The following PHLPP1 variants were observed in gnomAD, a reference collection of about 807,000 sequenced individuals.
PHLPP1 encodes PH domain leucine-rich repeat-containing protein phosphatase 1.
A neutral mutation model predicts 117.2 loss-of-function variants in PHLPP1; 42 were observed. The observed-to-expected ratio is 0.36, with a 90% CI of 0.28 to 0.46. The LOEUF is 0.46. Ranked by LOEUF, PHLPP1 falls within the 20% of genes least tolerant of loss-of-function variation. PHLPP1 has a pLI of 1.00. For synonymous variants in PHLPP1, 1,042 were observed against 970.7 expected (o/e 1.07, Z -1.37); for missense variants, 2,084 against 2,241.9 (o/e 0.93, Z 1.42).
chr18:62,869,805 G>C (rs1252592220), intron 4 of PHLPP1, among the ~76,000 whole-genome samples: 1 of 152,190 alleles, frequency 6.6e-6, no homozygotes, highest in Non-Finnish European at 1.5e-5. Flanking sequence ...GATAGGCCTA[G>C]GGGACTTCCT....
rs1047961353 is a variant in PHLPP1, at chr18:62,960,055, C to T, written c.3455+1296C>T. Among the ~76,000 whole-genome samples the T allele has an allele frequency of 7.4e-4, 112 of 152,268 alleles. 1 individual carries two copies. The highest frequency in any genetic ancestry group is 2.6e-3 in the African/African-American group (109 of 41,542). ...CAAGAAAACATGGATTATCAAAATA[C>T]ATCATCTTTAAACAGATAGCTTTTG... On this transcript the variant is annotated intron_variant, in intron 13 of 16. Transcript: ENST00000262719.
At chr18:62,842,181 T>C (rs1414705622) in intron 3 of PHLPP1, among the ~76,000 whole-genome samples, 1 of 152,180 alleles carries the variant, frequency 6.6e-6, no homozygotes, top group Admixed American at 6.5e-5. Flanking sequence ...TAAAGTATTA[T>C]CTATTTGTAA....
intron 14 of PHLPP1, among the ~76,000 whole-genome samples, chr18:62,970,738 C>G (rs1911027446): frequency 6.6e-6 from 1 of 152,066 alleles, no homozygotes; most frequent in Non-Finnish European, 1.5e-5. Context: ...GCACTCCAGC[C>G]TGTGTGACAG....
chr18:62,938,106 T>A, intron 10 of PHLPP1, among the ~76,000 whole-genome samples: 1 of 152,220 alleles, frequency 6.6e-6, no homozygotes, highest in East Asian at 1.9e-4. Flanking sequence ...ATGTTACTGC[T>A]TTTTCTCTAA....
At chr18:62,947,926 T>C (rs998065971) in intron 12 of PHLPP1, among the ~76,000 whole-genome samples, 2 of 152,244 alleles carry the variant, frequency 1.3e-5, no homozygotes, top group Middle Eastern at 6.8e-3. Context: ...TCCAGGAAGC[T>C]GAGGCAGGAG....
At chr18:62,847,385 CAT>C (rs1364756105) in intron 3 of PHLPP1, among the ~76,000 whole-genome samples, 1 of 152,138 alleles carries the variant, frequency 6.6e-6, no homozygotes, top group African/African-American at 2.4e-5. Context: ...ACGTGTTCCT[CAT>C]GTGTTCTTGG....
At chr18:62,763,712 A>C (rs765450273) in intron 1 of PHLPP1, among the ~76,000 whole-genome samples, 1 of 151,956 alleles carries the variant, frequency 6.6e-6, no homozygotes, top group Admixed American at 6.5e-5. Flanking sequence ...GCTATTCTCT[A>C]CTGTATTTCT....
At chr18:62,780,683 T>C (rs1208652911) in intron 1 of PHLPP1, among the ~76,000 whole-genome samples, 2 of 152,160 alleles carry the variant, frequency 1.3e-5, no homozygotes, top group African/African-American at 4.8e-5. Context: ...AGAACTTGGG[T>C]TTGTAAGAAG....
chr18:62,749,627 T>G (rs1302294252), intron 1 of PHLPP1, among the ~76,000 whole-genome samples: 1 of 152,220 alleles, frequency 6.6e-6, no homozygotes, highest in East Asian at 1.9e-4. Context: ...CCTATTGGCA[T>G]GCAGATGGCC....
intron 14 of PHLPP1, among the ~76,000 whole-genome samples, chr18:62,964,103 G>A (rs1910841693): frequency 6.6e-6 from 1 of 152,096 alleles, no homozygotes; most frequent in Middle Eastern, 3.4e-3. Context: ...TATATGAAGA[G>A]GTGCTAATAA....
intron 2 of PHLPP1, chr18:62,838,067 T>A (rs75885123): frequency 4.1e-5 from 6 of 147,944 alleles, no homozygotes; most frequent in Admixed American, 6.7e-5. Context: ...GAAAAAAATA[T>A]ATATATATAT....
intron 1 of PHLPP1, among the ~76,000 whole-genome samples, chr18:62,792,214 T>A (rs1233650019): frequency 6.6e-6 from 1 of 152,142 alleles, no homozygotes; most frequent in East Asian, 1.9e-4. Context: ...TTGGAGAGTG[T>A]CCCATCTTTC....
At chr18:62,935,480 A>G (rs1310271489) in intron 10 of PHLPP1, among the ~76,000 whole-genome samples, 1 of 152,246 alleles carries the variant, frequency 6.6e-6, no homozygotes, top group Non-Finnish European at 1.5e-5. Context: ...ATCATCATGT[A>G]AATACCAAAA....
At chr18:62,867,417 G>A (rs1323694135) in intron 4 of PHLPP1, among the ~76,000 whole-genome samples, 2 of 152,030 alleles carry the variant, frequency 1.3e-5, no homozygotes, top group South Asian at 2.1e-4. Flanking sequence ...TTAATTTTTG[G>A]TTAAGTCAGT....
chr18:62,898,519 C>G (rs1484639296), intron 6 of PHLPP1, among the ~76,000 whole-genome samples: 3 of 152,132 alleles, frequency 2.0e-5, no homozygotes, highest in Non-Finnish European at 4.4e-5. Context: ...CTGCGGTTCT[C>G]TAGTTCAAGG....
chr18:62,756,046 T>C (rs1406512731), intron 1 of PHLPP1, among the ~76,000 whole-genome samples: 1 of 148,378 alleles, frequency 6.7e-6, no homozygotes, highest in Non-Finnish European at 1.5e-5. Context: ...TTTCTTTGAC[T>C]CATTCATTTT....
rs146047325 is a variant in PHLPP1 at position 62,889,990 on chromosome 18, T to A, written c.2067-5021T>A. Among the ~76,000 whole-genome samples, 147 of 152,262 alleles carry A rather than the reference T, an allele frequency of 9.7e-4. 1 individual carries two copies. The South Asian group carries it at 0.017, about 17-fold the overall frequency. On this transcript the variant is annotated intron_variant, in intron 4 of 16. Coordinates refer to ENST00000262719, the MANE Select transcript of PHLPP1 (RefSeq NM_194449.4). ...CTACCTGGCACTTGTGGTATTATAC[T>A]GGACCTTGCAGCTCTTGGGAAAGGG...
At position 62,716,570 on chromosome 18, in the gene PHLPP1, G is replaced by A; in HGVS notation, c.887G>A (p.Arg296His). The A allele has an allele frequency of 8.3e-7, 1 of 1,201,288 alleles. No individual in the cohort carries two copies. The highest frequency in any genetic ancestry group is 1.0e-6 in the Non-Finnish European group (1 of 968,750). 74.4% of individuals were successfully genotyped at this position (1,201,288 alleles called of 1,614,324 possible). A position where few individuals can be genotyped will look rare whatever the true frequency, so the allele number is the denominator to read the frequency against. The change falls in exon 1 of 17, where the codon CGC becomes CAC. Residue 296 changes from arginine (R) to histidine (H), a missense_variant. Coordinates refer to ENST00000262719, the MANE Select transcript of PHLPP1 (RefSeq NM_194449.4). This position sits in a 1 kb window ranked among gnomAD's most constrained non-coding sequence, Gnocchi z 5.7. ...SAPGAFGGPP[R>H]APPADLPLPV... ...CCGGGTGCCTTCGGGGGGCCTCCGCGCGCGCCCCCCGCCGACCTACCCCTG... is the reference window on the plus strand; with the variant it reads ...CCGGGTGCCTTCGGGGGGCCTCCGCACGCGCCCCCCGCCGACCTACCCCTG...
chr18:62,851,754 C>T (rs1323629837), intron 3 of PHLPP1, among the ~76,000 whole-genome samples: 1 of 151,824 alleles, frequency 6.6e-6, no homozygotes, highest in Admixed American at 6.5e-5. Flanking sequence ...CCACTGTGCC[C>T]AGCCCATCTC....
Sources: gnomAD v4.1 joint callset for allele counts (sites outside exome capture counted in the v4.1 genomes callset) on GRCh38, gnomAD v4.1.1 for gene constraint, Gnocchi (gnomAD v3.1) non-coding constraint, MANE v1.5 for transcripts, NCBI Gene and HGNC (gene_info 2026-07-23, HGNC 2026-07-21) for gene names.